The following KIF26B variants were observed in gnomAD, a reference collection of about 807,000 sequenced individuals.
KIF26B encodes kinesin family member 26B, also known as kinesin-like protein KIF26B.
KIF26B carries 63 observed loss-of-function variants against 151.2 expected under a neutral mutation model. That is an observed-to-expected ratio of 0.42 (90% CI 0.34 to 0.51). The LOEUF is 0.51. KIF26B is among the 20% of genes least tolerant of loss of function. The probability of loss-of-function intolerance (pLI) is 0.07; values close to 1 mark genes in which losing one functional copy is unlikely to be tolerated. For missense variants in KIF26B, 2,813 were observed against 2,913.6 expected, an observed-to-expected ratio of 0.97 and a Z score of 0.79; for synonymous variants, 1,357 against 1,262.1, an observed-to-expected ratio of 1.08 and a Z score of -1.59.
intron 5 of KIF26B, among the ~76,000 whole-genome samples, chr1:245,551,448 A>C (rs1661877881): frequency 6.6e-6 from 1 of 152,184 alleles, no homozygotes. Flanking sequence ...GCTGGGAGGT[A>C]TTTTTATAGA....
At chr1:245,621,456 TAGG>T (rs2043659186) in intron 9 of KIF26B, among the ~76,000 whole-genome samples, 1 of 152,204 alleles carries the variant, frequency 6.6e-6, no homozygotes, top group African/African-American at 2.4e-5. Context: ...GGCTCAGGCG[TAGG>T]AGACGTTATT....
intron 10 of KIF26B, among the ~76,000 whole-genome samples, chr1:245,671,601 T>G (rs2044287161): frequency 6.6e-6 from 1 of 152,190 alleles, no homozygotes; most frequent in South Asian, 2.1e-4. Context: ...AACTGTGCGC[T>G]TAGTTGCAAG....
intron 3 of KIF26B, among the ~76,000 whole-genome samples, chr1:245,413,585 C>A (rs2103033052): frequency 6.6e-6 from 1 of 152,310 alleles, no homozygotes; most frequent in Non-Finnish European, 1.5e-5. Context: ...ATCGCTTGAA[C>A]CCGGAAGGCG....
In KIF26B at chr1:245,488,425, C is replaced by T. The variant is rs1660327631; in HGVS notation, c.1167-52342C>T. On this transcript the variant is annotated intron_variant, in intron 4 of 14. Coordinates refer to ENST00000407071, the MANE Select transcript of KIF26B (RefSeq NM_018012.4). This position sits in a 1 kb window ranked among gnomAD's most constrained non-coding sequence, Gnocchi z 4.6. ...CTGAAAACTCTACCCAGATCGTACA[C>T]TCCTTGCTGGGTAGGATTGTTTCAG... Among the ~76,000 whole-genome samples, 1 of 152,200 alleles carries T rather than the reference C, an allele frequency of 6.6e-6. No individual in the cohort carries two copies. The highest frequency in any genetic ancestry group is 2.1e-4 in the South Asian group (1 of 4,824).
At chr1:245,185,408 G>T (rs565353512) in intron 2 of KIF26B, among the ~76,000 whole-genome samples, 108 of 152,258 alleles carry the variant, frequency 7.1e-4, no homozygotes, top group African/African-American at 2.6e-3. Flanking sequence ...AATGAAACCT[G>T]GTTCCAACCT....
intron 2 of KIF26B, among the ~76,000 whole-genome samples, chr1:245,338,856 C>G (rs971347410): frequency 6.6e-6 from 1 of 152,138 alleles, no homozygotes; most frequent in African/African-American, 2.4e-5. Context: ...AAGATCCTAG[C>G]AGTCAGAAGG....
intron 3 of KIF26B, among the ~76,000 whole-genome samples, chr1:245,415,579 A>G (rs1230842464): frequency 1.3e-5 from 2 of 152,096 alleles, no homozygotes; most frequent in Non-Finnish European, 2.9e-5. Context: ...AATCATCTAC[A>G]ATGGATATGA....
intron 2 of KIF26B, among the ~76,000 whole-genome samples, chr1:245,250,133 A>G (rs908635548): frequency 1.3e-4 from 20 of 152,282 alleles, no homozygotes; most frequent in Admixed American, 9.2e-4. Flanking sequence ...ATTATTGTCG[A>G]AGGCTTCTTA....
intron 10 of KIF26B, among the ~76,000 whole-genome samples, chr1:245,665,306 A>G (rs2044200448): frequency 6.6e-6 from 1 of 152,224 alleles, no homozygotes; most frequent in African/African-American, 2.4e-5. Flanking sequence ...AGCCATCAAA[A>G]TTTAGATGAC....
At chr1:245,313,085 G>T (rs1671694645) in intron 2 of KIF26B, among the ~76,000 whole-genome samples, 1 of 152,094 alleles carries the variant, frequency 6.6e-6, no homozygotes, top group African/African-American at 2.4e-5. Context: ...CTTGAACCTG[G>T]GAGGCAGAGG....
At chr1:245,182,562 TG>T (rs1668924872) in intron 2 of KIF26B, among the ~76,000 whole-genome samples, 1 of 152,242 alleles carries the variant, frequency 6.6e-6, no homozygotes, top group African/African-American at 2.4e-5. Flanking sequence ...TGTGGACATA[TG>T]GTTTCATTTC....
intron 3 of KIF26B, among the ~76,000 whole-genome samples, chr1:245,373,173 C>T (rs1450560838): frequency 6.6e-6 from 1 of 152,192 alleles, no homozygotes; most frequent in Non-Finnish European, 1.5e-5. Context: ...ACATCCCTCA[C>T]AGCAGCTAAC....
intron 3 of KIF26B, among the ~76,000 whole-genome samples, chr1:245,370,145 A>G (rs1438665738): frequency 6.6e-6 from 1 of 152,174 alleles, no homozygotes; most frequent in Non-Finnish European, 1.5e-5. Context: ...ATTTGGGGAT[A>G]CTTCCTCCTA....
chr1:245,239,688 A>G lies in KIF26B; in HGVS notation c.465+83005A>G, dbSNP rs1460416117. 6.6e-6 allele frequency among the ~76,000 whole-genome samples: 1 copy of G among 152,042 alleles called. No homozygotes were observed. The highest frequency in any genetic ancestry group is 1.5e-5 in the Non-Finnish European group (1 of 68,016). On this transcript the variant is annotated intron_variant, in intron 2 of 14. Coordinates refer to ENST00000407071, the MANE Select transcript of KIF26B (RefSeq NM_018012.4). This position sits in a 1 kb window ranked among gnomAD's most constrained non-coding sequence, Gnocchi z 4.3. ...CTGGCTAATTTTTTGTATTTTTAGT[A>G]GAGACGGGTTTTCACTATGTTGGCC...
chr1:245,369,168 TGAGA>T (rs112848389), intron 3 of KIF26B, among the ~76,000 whole-genome samples: 18,410 of 135,740 alleles, frequency 0.14, 1,150 homozygotes, highest in Non-Finnish European at 0.16. Flanking sequence ...AAAAGAAGAG[TGAGA>T]GAGAGAGAGA....
rs1404212142 is a variant in KIF26B at position 245,706,580 on chromosome 1, C to G, written c.*3974C>G. 1 of 152,292 alleles carries G rather than the reference C, an allele frequency of 6.6e-6. No homozygotes were observed. The highest frequency in any genetic ancestry group is 3.4e-3 in the Middle Eastern group (1 of 294). 9.4% of individuals were successfully genotyped at this position (152,292 alleles called of 1,614,324 possible). On this transcript the variant is annotated 3_prime_UTR_variant, in exon 15 of 15. Transcript: ENST00000407071. ...GTTCTTTCCTGCTGGACTAGTAACCCATTCTTGGAGCACACACAGAGTCCC... is the reference window on the plus strand; with the variant it reads ...GTTCTTTCCTGCTGGACTAGTAACCGATTCTTGGAGCACACACAGAGTCCC...
chr1:245,335,551 A>AAGAGTCCCACGCAGGGAAAGG (rs1672202136), intron 2 of KIF26B, among the ~76,000 whole-genome samples: 2 of 151,776 alleles, frequency 1.3e-5, no homozygotes, highest in Admixed American at 6.6e-5. Context: ...GCAGGGAAAG[A>AAGAGTCCCACGCAGGGAAAGG]AGAGTCCCAC....
intron 5 of KIF26B, among the ~76,000 whole-genome samples, chr1:245,548,703 ATTT>A (rs1661807155): frequency 6.6e-6 from 1 of 151,934 alleles, no homozygotes; most frequent in South Asian, 2.1e-4. Flanking sequence ...GTTAATCAGA[ATTT>A]GAATAAGAGA....
chr1:245,185,231 C>T (rs557280514), intron 2 of KIF26B, among the ~76,000 whole-genome samples: 61 of 152,048 alleles, frequency 4.0e-4, no homozygotes, highest in Admixed American at 8.5e-4. Context: ...CTCTGCCCCC[C>T]GGGTTCCAGC....
Sources: allele counts gnomAD v4.1 joint callset (sites outside exome capture counted in the v4.1 genomes callset), GRCh38; gene constraint gnomAD v4.1.1; non-coding constraint Gnocchi (gnomAD v3.1); transcripts MANE v1.5; gene names NCBI Gene and HGNC (gene_info 2026-07-23, HGNC 2026-07-21).